STK3: variants seen among roughly 807,000 people sequenced by gnomAD.
STK3 encodes the protein serine/threonine kinase 3.
STK3 carries 41 observed loss-of-function variants against 58.0 expected under a neutral mutation model. The observed-to-expected ratio is 0.71, with a 90% confidence interval of 0.55 to 0.92. The LOEUF (loss-of-function observed/expected upper bound fraction) is 0.92. Ranked by LOEUF, STK3 falls within the 40% of genes least tolerant of loss-of-function variation. STK3 has a pLI of 0.00. For missense variants in STK3, 479 were observed against 602.7 expected (o/e 0.79, Z 2.15); for synonymous variants, 170 against 191.0 (o/e 0.89, Z 0.91).
chr8:98,702,445 A>C (rs1331740647), intron 6 of STK3, among the ~76,000 whole-genome samples: 4 of 152,054 alleles, frequency 2.6e-5, no homozygotes, highest in Non-Finnish European at 4.4e-5. Context: ...TATGTCCTAC[A>C]AAAACCTTAA....
intron 4 of STK3, among the ~76,000 whole-genome samples, chr8:98,734,452 A>T (rs564183571): frequency 1.3e-5 from 2 of 152,192 alleles, no homozygotes; most frequent in Non-Finnish European, 2.9e-5. Flanking sequence ...CAAGTAGTCA[A>T]ATCAAAAAAT....
chr8:98,419,146 A>T (rs920854691), intron 3 of STK3, among the ~76,000 whole-genome samples: 2 of 152,204 alleles, frequency 1.3e-5, no homozygotes, highest in African/African-American at 4.8e-5. Flanking sequence ...GGATCACTTG[A>T]GGCCAGGAGT....
chr8:98,360,414 G>A, the STK3 span, among the ~76,000 whole-genome samples: 1 of 152,112 alleles, frequency 6.6e-6, no homozygotes, highest in Non-Finnish European at 1.5e-5. Flanking sequence ...GCCTAGTCCA[G>A]TGCCTGTCAT....
At chr8:98,663,580 A>G (rs1822125749) in intron 6 of STK3, among the ~76,000 whole-genome samples, 1 of 152,224 alleles carries the variant, frequency 6.6e-6, no homozygotes, top group Admixed American at 6.5e-5. Context: ...ACGTATGTTT[A>G]CTGCAGCACT....
chr8:98,749,464 T>C, intron 3 of STK3, 74 bp from the exon 4 acceptor site: 1 of 735,170 alleles, frequency 1.4e-6, no homozygotes, highest in East Asian at 2.6e-5. Context: ...CAATACAAAG[T>C]ATTTTCAACA....
chr8:98,372,002 C>T (rs1164170432), intron 2 of STK3, among the ~76,000 whole-genome samples: 4 of 152,096 alleles, frequency 2.6e-5, no homozygotes, highest in South Asian at 2.1e-4. Context: ...GTCCTTAAAC[C>T]GAATATGACT....
At chr8:98,474,021 C>T (rs6982285) in intron 10 of STK3, among the ~76,000 whole-genome samples, 4,554 of 152,242 alleles carry the variant, frequency 0.03, 107 homozygotes, top group South Asian at 0.06. Context: ...ACCTTCTAAA[C>T]TGTTTATCTT....
chr8:98,369,162 G>A (rs886681468), downstream of STK3, among the ~76,000 whole-genome samples: 1 of 152,206 alleles, frequency 6.6e-6, no homozygotes, highest in Non-Finnish European at 1.5e-5. Flanking sequence ...TAAAGCAGGA[G>A]GAAGAATTAC....
chr8:98,416,922 T>C (rs1464213321), intron 3 of STK3, among the ~76,000 whole-genome samples: 1 of 152,190 alleles, frequency 6.6e-6, no homozygotes, highest in Admixed American at 6.5e-5. Flanking sequence ...AAGCTGCAGC[T>C]TGGCTTTGTC....
chr8:98,704,839 C>T (rs1348982451), intron 6 of STK3, among the ~76,000 whole-genome samples: 2 of 151,984 alleles, frequency 1.3e-5, no homozygotes. Context: ...AATGGAAGTC[C>T]TAAGTTAAAT....
In STK3 at chr8:98,699,577, A is replaced by T. The variant is rs1386618789; in HGVS notation, c.684+6890T>A. 5.3e-3 allele frequency among the ~76,000 whole-genome samples: 802 copies of T among 152,154 alleles called. 6 individuals carry two copies. Among genetic ancestry groups the T allele is most frequent in the Non-Finnish European group, 7.8e-3 (532 of 67,972 alleles). ...CTTTCTGTTTGTTAGTTTTCCTTCT[A>T]ACAGACAGGACCCTCAGCTGCAGGT... On this transcript the variant is annotated intron_variant, in intron 6 of 10. Coordinates refer to ENST00000419617, the MANE Select transcript of STK3 (RefSeq NM_006281.4).
At chr8:98,614,594 G>A (rs1014316084) in intron 6 of STK3, among the ~76,000 whole-genome samples, 2 of 149,656 alleles carry the variant, frequency 1.3e-5, no homozygotes, top group African/African-American at 5.1e-5. Context: ...GCAGGCCAGT[G>A]GGTGTGCGCA....
intron 10 of STK3, among the ~76,000 whole-genome samples, chr8:98,503,315 C>T (rs187870299): frequency 3.3e-5 from 5 of 152,100 alleles, no homozygotes; most frequent in African/African-American, 1.2e-4. Context: ...ACTAGTCTTG[C>T]TAGCAGTCTA....
At chr8:98,597,296 C>G in intron 6 of STK3, 3 of 985,376 alleles carry the variant, frequency 3.0e-6, no homozygotes, top group Non-Finnish European at 3.6e-6. Flanking sequence ...AGCAAAGACT[C>G]AATATCCAAG....
downstream of STK3, chr8:98,371,212 A>G (rs1201200633): frequency 6.6e-6 from 1 of 152,198 alleles, no homozygotes; most frequent in Admixed American, 6.5e-5. Flanking sequence ...TGCTCAATAA[A>G]CATTTGCCGA....
At chr8:98,379,359 T>A (rs561786677) in intron 1 of STK3, among the ~76,000 whole-genome samples, 1 of 152,370 alleles carries the variant, frequency 6.6e-6, no homozygotes, top group African/African-American at 2.4e-5. Flanking sequence ...ATAATTAGCT[T>A]AAAACAATTA....
chr8:98,417,513 C>CAAAA (rs1324379716), intron 3 of STK3, among the ~76,000 whole-genome samples: 8 of 82,410 alleles, frequency 9.7e-5, no homozygotes, highest in South Asian at 4.0e-4. Context: ...GACTCTGTCT[C>CAAAA]AAAAAATAAA....
intron 6 of STK3, among the ~76,000 whole-genome samples, chr8:98,672,200 G>A (rs1317130026): frequency 3.3e-5 from 5 of 150,408 alleles, no homozygotes; most frequent in African/African-American, 7.3e-5. Context: ...CCCAACCTCA[G>A]CCTCCCAAAT....
intron 3 of STK3, among the ~76,000 whole-genome samples, chr8:98,866,076 T>C (rs901664512): frequency 6.6e-6 from 1 of 152,190 alleles, no homozygotes; most frequent in African/African-American, 2.4e-5. Flanking sequence ...CACCCTACAG[T>C]TTTTAGACCA....
Sources: gnomAD v4.1 joint callset for allele counts (sites outside exome capture counted in the v4.1 genomes callset) on GRCh38, gnomAD v4.1.1 for gene constraint, MANE v1.5 for transcripts, NCBI Gene and HGNC (gene_info 2026-07-23, HGNC 2026-07-21) for gene names.